ASTN2: variants seen among roughly 807,000 people sequenced by gnomAD.
The protein encoded by ASTN2 is astrotactin-2.
A neutral mutation model predicts 139.8 loss-of-function variants in ASTN2; 54 were observed. The observed-to-expected ratio is 0.39, with a 90% CI of 0.31 to 0.48. The LOEUF is 0.48. Among genes scored for constraint, ASTN2 ranks in the 20% least tolerant of loss-of-function variants. The pLI, the probability that ASTN2 is intolerant of heterozygous loss-of-function variation, is 0.95. For missense variants in ASTN2, 1,565 were observed against 1,725.1 expected (o/e 0.91, Z 1.64); for synonymous variants, 756 against 719.5 (o/e 1.05, Z -0.81).
chr9:117,048,514 A>G (rs1838810328), intron 5 of ASTN2, among the ~76,000 whole-genome samples: 1 of 152,164 alleles, frequency 6.6e-6, no homozygotes, highest in Admixed American at 6.5e-5. Flanking sequence ...TGCCTGGTGA[A>G]GTTAAAGCCA....
intron 3 of ASTN2, among the ~76,000 whole-genome samples, chr9:117,204,089 C>T (rs1264054037): frequency 6.6e-6 from 1 of 152,198 alleles, no homozygotes; most frequent in Non-Finnish European, 1.5e-5. Context: ...GCCCCACCCA[C>T]TGAGGAAGGA....
At chr9:117,386,771 A>C (rs1830411464) in intron 1 of ASTN2, among the ~76,000 whole-genome samples, 1 of 152,122 alleles carries the variant, frequency 6.6e-6, no homozygotes, top group African/African-American at 2.4e-5. Context: ...TTCCTGGACT[A>C]TGAAGACCCA....
chr9:116,597,010 A>T (rs552731176), intron 19 of ASTN2, among the ~76,000 whole-genome samples: 2 of 152,304 alleles, frequency 1.3e-5, no homozygotes, highest in African/African-American at 4.8e-5. Flanking sequence ...CCTAAAAGTC[A>T]ACTCAAGAAG....
intron 12 of ASTN2, among the ~76,000 whole-genome samples, chr9:116,819,420 A>G (rs2416571): frequency 0.73 from 110,457 of 152,014 alleles, 40,306 homozygotes; most frequent in Middle Eastern, 0.86. Flanking sequence ...TAGGGCCTCC[A>G]GTGAGCTGCT....
chr9:116,700,211 A>G (rs1564219257), intron 16 of ASTN2: 1 of 194,430 alleles, frequency 5.1e-6, no homozygotes, highest in Non-Finnish European at 1.2e-5. Flanking sequence ...TATTCCCGTA[A>G]CATTATGTCT....
At chr9:117,216,604 A>T (rs1414536891) in intron 2 of ASTN2, among the ~76,000 whole-genome samples, 1 of 152,230 alleles carries the variant, frequency 6.6e-6, no homozygotes, top group African/African-American at 2.4e-5. Flanking sequence ...GTGATTATGT[A>T]TATATCACCT....
chr9:116,841,563 G>A (rs985368833), intron 11 of ASTN2, among the ~76,000 whole-genome samples: 3 of 152,060 alleles, frequency 2.0e-5, no homozygotes, highest in Admixed American at 1.3e-4. Context: ...AATGAGAGGT[G>A]AAAATAACGA....
At chr9:117,332,593 A>G (rs1828748252) in intron 1 of ASTN2, among the ~76,000 whole-genome samples, 1 of 152,162 alleles carries the variant, frequency 6.6e-6, no homozygotes, top group East Asian at 1.9e-4. Flanking sequence ...CAACAACAAC[A>G]AAAAGGACAC....
intron 16 of ASTN2, 100 bp from the exon 17 acceptor site, chr9:116,651,893 T>G (rs1182360094): frequency 7.1e-7 from 1 of 1,403,978 alleles, no homozygotes; most frequent in Non-Finnish European, 9.7e-7. Flanking sequence ...GAAGCTGGTA[T>G]CCATTGAGGA....
At chr9:116,498,225 A>G (rs1246393335) in intron 19 of ASTN2, among the ~76,000 whole-genome samples, 4 of 152,162 alleles carry the variant, frequency 2.6e-5, no homozygotes, top group Non-Finnish European at 5.9e-5. Flanking sequence ...TTGTTTTTCC[A>G]CCACAACAGG....
chr9:117,162,510 G>A (rs1415044046), intron 3 of ASTN2, among the ~76,000 whole-genome samples: 1 of 152,078 alleles, frequency 6.6e-6, no homozygotes, highest in Non-Finnish European at 1.5e-5. Context: ...AAACAAGCAT[G>A]TGGTTAAAAT....
intron 22 of ASTN2, among the ~76,000 whole-genome samples, chr9:116,436,527 T>C (rs1033202380): frequency 6.6e-6 from 1 of 152,174 alleles, no homozygotes; most frequent in Non-Finnish European, 1.5e-5. Context: ...TAGTTTACAT[T>C]GTAGTAGGGA....
At chr9:117,075,480 G>C (rs1040905172) in intron 5 of ASTN2, among the ~76,000 whole-genome samples, 1 of 151,738 alleles carries the variant, frequency 6.6e-6, no homozygotes, top group East Asian at 1.9e-4. Context: ...GGCAGTGGTG[G>C]GCAGATGGAG....
At chr9:117,060,626 G>C (rs988817012) in intron 5 of ASTN2, among the ~76,000 whole-genome samples, 2 of 145,208 alleles carry the variant, frequency 1.4e-5, no homozygotes, top group Admixed American at 1.4e-4. Context: ...AGGGGCAGTG[G>C]CTCACACCTG....
chr9:116,904,621 A>G (rs1421794987), intron 10 of ASTN2, among the ~76,000 whole-genome samples: 1 of 152,244 alleles, frequency 6.6e-6, no homozygotes, highest in African/African-American at 2.4e-5. Flanking sequence ...AAATGAGTTC[A>G]TTAATACATG....
intron 19 of ASTN2, among the ~76,000 whole-genome samples, chr9:116,549,896 A>C (rs935663303): frequency 6.6e-6 from 1 of 152,102 alleles, no homozygotes; most frequent in Non-Finnish European, 1.5e-5. Flanking sequence ...ATTTATTAAA[A>C]GTAATGGCAA....
intron 2 of ASTN2, among the ~76,000 whole-genome samples, chr9:117,258,558 T>G (rs1833746308): frequency 6.6e-6 from 1 of 152,120 alleles, no homozygotes; most frequent in Admixed American, 6.5e-5. Context: ...CTCCATCACT[T>G]TCTATTCACA....
intron 1 of ASTN2, among the ~76,000 whole-genome samples, chr9:117,317,867 T>C (rs1221812118): frequency 6.6e-6 from 1 of 152,166 alleles, no homozygotes; most frequent in East Asian, 1.9e-4. Context: ...CCAGCTCTTA[T>C]CTGTCCACTC....
chr9:116,770,747 T>C (rs1169505403), intron 13 of ASTN2, among the ~76,000 whole-genome samples: 2 of 152,202 alleles, frequency 1.3e-5, no homozygotes, highest in African/African-American at 4.8e-5. Context: ...TATTTACATA[T>C]GTTTTTTTCA....
Sources: allele counts gnomAD v4.1 joint callset (sites outside exome capture counted in the v4.1 genomes callset), GRCh38; gene constraint gnomAD v4.1.1; transcripts MANE v1.5; gene names NCBI Gene and HGNC (gene_info 2026-07-23, HGNC 2026-07-21).